The following ZC4H2 variants were observed in gnomAD, a reference collection of about 807,000 sequenced individuals.
ZC4H2 encodes the protein zinc finger C4H2 domain-containing protein.
For missense variants in ZC4H2, 137 were observed against 173.9 expected, an observed-to-expected ratio of 0.79 and a Z score of 1.19; for synonymous variants, 84 against 66.3, an observed-to-expected ratio of 1.27 and a Z score of -1.30.
chrX:65,033,873 G>GA (rs1455863137), intron 1 of ZC4H2, among the ~76,000 whole-genome samples: 1 of 111,049 alleles, frequency 9.0e-6, no homozygotes, highest in Non-Finnish European at 1.9e-5. Flanking sequence ...CGGATCACTT[G>GA]AGGTCAGGAG....
intron 1 of ZC4H2, among the ~76,000 whole-genome samples, chrX:64,991,458 T>A (rs1002203601): frequency 9.0e-6 from 1 of 111,538 alleles, no homozygotes; most frequent in Non-Finnish European, 1.9e-5. Flanking sequence ...AGCCTGTAAA[T>A]CCAACTACTT....
At chrX:64,950,499 C>G (rs977509462) in intron 1 of ZC4H2, among the ~76,000 whole-genome samples, 1 of 111,207 alleles carries the variant, frequency 9.0e-6, no homozygotes, top group African/African-American at 3.3e-5. Flanking sequence ...CTTTCTAGGT[C>G]TCTAAGGACT....
At chrX:65,008,656 T>C (rs1932708062) in intron 1 of ZC4H2, among the ~76,000 whole-genome samples, 1 of 112,391 alleles carries the variant, frequency 8.9e-6, no homozygotes, top group South Asian at 3.7e-4. Context: ...AGTCATGTTA[T>C]TTGCAACAAC....
chrX:64,948,135 C>A (rs762232644), intron 1 of ZC4H2, among the ~76,000 whole-genome samples: 2 of 111,125 alleles, frequency 1.8e-5, no homozygotes, highest in African/African-American at 3.3e-5. Flanking sequence ...TGGTTAAGTT[C>A]TCTTTTGGGT....
intron 1 of ZC4H2, among the ~76,000 whole-genome samples, chrX:65,033,697 C>T (rs1932966744): frequency 8.9e-6 from 1 of 112,166 alleles, no homozygotes; most frequent in East Asian, 2.8e-4. Context: ...ATGTTAAGTG[C>T]TTTACATTCA....
intron 1 of ZC4H2, among the ~76,000 whole-genome samples, chrX:64,929,093 A>G (rs765398615): frequency 9.1e-6 from 1 of 110,431 alleles, no homozygotes; most frequent in East Asian, 2.9e-4. Flanking sequence ...GGATTTCGCC[A>G]TACTGGCCAG....
chrX:64,949,812 T>C (rs1930707678), intron 1 of ZC4H2, among the ~76,000 whole-genome samples: 1 of 111,589 alleles, frequency 9.0e-6, no homozygotes, highest in Non-Finnish European at 1.9e-5. Context: ...CTGGATTCAC[T>C]GATTTTTTGA....
At chrX:64,924,054 T>C (rs1929322992) in intron 1 of ZC4H2, among the ~76,000 whole-genome samples, 1 of 112,034 alleles carries the variant, frequency 8.9e-6, no homozygotes, top group Admixed American at 9.5e-5. Context: ...TACGTGAAGA[T>C]AAACCTGAAC....
intron 1 of ZC4H2, among the ~76,000 whole-genome samples, chrX:64,990,283 C>T (rs778467306): frequency 2.7e-5 from 3 of 111,808 alleles, no homozygotes; most frequent in Admixed American, 1.9e-4. Flanking sequence ...GGATATGATT[C>T]TATTCATGTA....
intron 1 of ZC4H2, among the ~76,000 whole-genome samples, chrX:64,946,961 G>C (rs1443219517): frequency 9.0e-6 from 1 of 111,089 alleles, no homozygotes; most frequent in Non-Finnish European, 1.9e-5. Flanking sequence ...CATCTCTTCT[G>C]TTATAATGTA....
chrX:64,928,093 G>C (rs1929512108), intron 1 of ZC4H2, among the ~76,000 whole-genome samples: 2 of 111,965 alleles, frequency 1.8e-5, no homozygotes, highest in African/African-American at 6.5e-5. Flanking sequence ...TCTGATGATA[G>C]TTTTTTTCGC....
At chrX:64,946,605 AC>A in intron 1 of ZC4H2, among the ~76,000 whole-genome samples, 1 of 110,325 alleles carries the variant, frequency 9.1e-6, no homozygotes, top group Non-Finnish European at 1.9e-5. Flanking sequence ...ACACACACAC[AC>A]ACACACACGT....
chrX:65,013,080 C>T (rs188324717), intron 1 of ZC4H2, among the ~76,000 whole-genome samples: 267 of 111,070 alleles, frequency 2.4e-3, no homozygotes, highest in African/African-American at 8.1e-3. Context: ...GTGCTAGCAA[C>T]GAAGAAAATG....
chrX:64,937,861 A>T (rs1210372086), intron 1 of ZC4H2, among the ~76,000 whole-genome samples: 1 of 111,845 alleles, frequency 8.9e-6, no homozygotes, highest in Non-Finnish European at 1.9e-5. Context: ...CCCTAACATC[A>T]CAATGAAAAG....
chrX:65,017,519 T>G (rs754347264), intron 1 of ZC4H2, among the ~76,000 whole-genome samples: 1 of 111,713 alleles, frequency 9.0e-6, no homozygotes, highest in South Asian at 3.7e-4. Flanking sequence ...CTATGTACTA[T>G]GTAGAAATTG....
intron 1 of ZC4H2, among the ~76,000 whole-genome samples, chrX:64,982,229 G>T (rs1932096982): frequency 9.0e-6 from 1 of 111,658 alleles, no homozygotes; most frequent in Non-Finnish European, 1.9e-5. Context: ...TAGCTCCAAT[G>T]ACCTTCCGTT....
At chrX:64,997,307 A>G (rs1229124719) in intron 1 of ZC4H2, among the ~76,000 whole-genome samples, 1 of 112,319 alleles carries the variant, frequency 8.9e-6, no homozygotes, top group Admixed American at 9.4e-5. Context: ...AAGGTGAGGG[A>G]ATTCATTAAC....
rs1355636316 is a variant in ZC4H2 at position 64,919,351 on chromosome X, C to T, written c.399-147G>A. ...CCTTCCCAAGCACAAGGCTATTGTC[C>T]CTGGGTACTAGGCCCAATGTCTGAT... is the stretch of plus-strand genomic sequence containing the variant. On this transcript the variant is annotated intron_variant, in intron 3 of 4. Coordinates refer to ENST00000374839, the MANE Select transcript of ZC4H2 (RefSeq NM_018684.4). 31 of 602,374 alleles carry T rather than the reference C, an allele frequency of 5.1e-5. No homozygotes were observed. In the Middle Eastern group the frequency reaches 1.2e-3, roughly 23 times the overall value. 49.6% of individuals were successfully genotyped at this position (602,374 alleles called of 1,213,427 possible). A position where few individuals can be genotyped will look rare whatever the true frequency, so the allele number is the denominator to read the frequency against.
At chrX:64,923,324 A>G in intron 1 of ZC4H2, among the ~76,000 whole-genome samples, 1 of 111,695 alleles carries the variant, frequency 9.0e-6, no homozygotes, top group Middle Eastern at 4.7e-3. Context: ...CAAAGTTTTG[A>G]AAGGGGTACC....
Sources: gnomAD v4.1 joint callset for allele counts (sites outside exome capture counted in the v4.1 genomes callset) on GRCh38, gnomAD v4.1.1 for gene constraint, MANE v1.5 for transcripts, NCBI Gene and HGNC (gene_info 2026-07-23, HGNC 2026-07-21) for gene names.